COL21A1: variants seen among roughly 807,000 people sequenced by gnomAD.
COL21A1 encodes the protein collagen type XXI alpha 1 chain, also known as collagen alpha-1(XXI) chain.
In COL21A1, 149 loss-of-function variants were observed where a neutral mutation model predicts 137.9. The ratio of observed to expected loss-of-function variants is 1.08; its 90% CI spans 0.95 to 1.24. The LOEUF is 1.24. Ranked by LOEUF, COL21A1 falls within the 50% of genes most tolerant of loss-of-function variation. The pLI, the probability that COL21A1 is intolerant of heterozygous loss-of-function variation, is 0.00. For missense variants in COL21A1, 1,167 were observed against 1,158.4 expected (o/e 1.01, Z -0.11); for synonymous variants, 456 against 391.5 (o/e 1.16, Z -1.95).
intron 12 of COL21A1, among the ~76,000 whole-genome samples, chr6:56,134,482 T>C (rs1330618492): frequency 2.6e-5 from 4 of 152,232 alleles, no homozygotes; most frequent in Non-Finnish European, 4.4e-5. Context: ...CTTTGGACTA[T>C]GGACTTTCAA....
At chr6:56,237,623 T>A (rs1781991379) in intron 1 of COL21A1, among the ~76,000 whole-genome samples, 1 of 152,160 alleles carries the variant, frequency 6.6e-6, no homozygotes, top group Non-Finnish European at 1.5e-5. Flanking sequence ...TAATTTAAAA[T>A]GTACATTTAT....
intron 1 of COL21A1, among the ~76,000 whole-genome samples, chr6:56,301,953 C>T (rs1764305726): frequency 6.6e-6 from 1 of 151,972 alleles, no homozygotes; most frequent in Admixed American, 6.6e-5. Context: ...TGTTCAATTC[C>T]CACCTATGAG....
intron 19 of COL21A1, among the ~76,000 whole-genome samples, chr6:56,074,513 A>G (rs1767037496): frequency 6.6e-6 from 1 of 151,502 alleles, no homozygotes; most frequent in Non-Finnish European, 1.5e-5. Flanking sequence ...AGCGCTTATG[A>G]TTCTATTGCT....
intron 1 of COL21A1, among the ~76,000 whole-genome samples, chr6:56,309,568 T>C (rs1029155339): frequency 3.3e-5 from 5 of 152,190 alleles, no homozygotes; most frequent in Admixed American, 6.5e-5. Context: ...TTTCTGCCTC[T>C]ATTGTTGGAT....
intron 3 of COL21A1, among the ~76,000 whole-genome samples, chr6:56,175,921 A>T (rs554082536): frequency 6.6e-6 from 1 of 152,186 alleles, no homozygotes; most frequent in Non-Finnish European, 1.5e-5. Context: ...TGGTAAAGGC[A>T]TAAAAACAAA....
chr6:56,190,912 T>C (rs1778629364), intron 1 of COL21A1, among the ~76,000 whole-genome samples: 1 of 151,936 alleles, frequency 6.6e-6, no homozygotes, highest in Admixed American at 6.6e-5. Flanking sequence ...ATACCTAGCA[T>C]GATATTAGCA....
chr6:56,235,957 C>T (rs1447593320), intron 1 of COL21A1, among the ~76,000 whole-genome samples: 1 of 151,974 alleles, frequency 6.6e-6, no homozygotes, highest in African/African-American at 2.4e-5. Flanking sequence ...TTAACAGCAA[C>T]AGGTCTGAGT....
intron 1 of COL21A1, among the ~76,000 whole-genome samples, chr6:56,196,214 T>C (rs1779015009): frequency 6.6e-6 from 1 of 152,102 alleles, no homozygotes; most frequent in Admixed American, 6.6e-5. Context: ...ATGGAATGAA[T>C]GAACTTCAAG....
intron 3 of COL21A1, among the ~76,000 whole-genome samples, chr6:56,172,102 A>G (rs1192804616): frequency 6.6e-6 from 1 of 151,694 alleles, no homozygotes. Context: ...AAAAGGGGAC[A>G]AAAAGCTTAT....
intron 1 of COL21A1, among the ~76,000 whole-genome samples, chr6:56,253,293 G>C (rs78124965): frequency 6.6e-6 from 1 of 152,072 alleles, no homozygotes; most frequent in Non-Finnish European, 1.5e-5. Context: ...ATTTTGGTTC[G>C]TATGAAAACA....
chr6:56,160,087 A>C (rs1349286210), intron 9 of COL21A1, among the ~76,000 whole-genome samples: 1 of 152,172 alleles, frequency 6.6e-6, no homozygotes, highest in African/African-American at 2.4e-5. Context: ...GCTGTCACTA[A>C]GTTATTCGCA....
At chr6:56,152,475 T>C (rs1775398881) in intron 10 of COL21A1, among the ~76,000 whole-genome samples, 1 of 152,204 alleles carries the variant, frequency 6.6e-6, no homozygotes, top group African/African-American at 2.4e-5. Context: ...AGTTGTGTTT[T>C]TCTTTGAGAC....
chr6:56,238,841 C>T (rs1050324705), intron 1 of COL21A1, among the ~76,000 whole-genome samples: 1 of 152,228 alleles, frequency 6.6e-6, no homozygotes, highest in South Asian at 2.1e-4. Context: ...TGTGAAAAAG[C>T]TTAGGAGAAA....
At chr6:56,318,366 A>G (rs1225652824) in intron 1 of COL21A1, among the ~76,000 whole-genome samples, 2 of 152,080 alleles carry the variant, frequency 1.3e-5, no homozygotes, top group East Asian at 3.9e-4. Flanking sequence ...ACTAACCCTT[A>G]GTGCTACCTA....
intron 16 of COL21A1, among the ~76,000 whole-genome samples, chr6:56,121,514 A>G (rs1220480039): frequency 3.5e-5 from 5 of 142,136 alleles, no homozygotes; most frequent in Non-Finnish European, 6.1e-5. Flanking sequence ...TCATATGTGT[A>G]TATATATATA....
intron 1 of COL21A1, among the ~76,000 whole-genome samples, chr6:56,261,367 T>C (rs1771036604): frequency 6.6e-6 from 1 of 152,210 alleles, no homozygotes; most frequent in Non-Finnish European, 1.5e-5. Context: ...TTTGTATCCC[T>C]CCCAAATTCA....
chr6:56,060,188 C>A lies in COL21A1; in HGVS notation c.2438G>T (p.Arg813Ile), dbSNP rs749253480. 4.4e-6 allele frequency: 7 copies of A among 1,607,762 alleles called. No individual in the cohort carries two copies. The South Asian group carries it at 6.7e-5, about 15-fold the overall frequency. ...AQLPVLLQSG[R>I]IRNCDHCLSQ... ...CAGGCAATGATCACAATTTCTAATT[C>A]TTCCACTCTGAAGTAAGACTGGTAG... The change falls in exon 28 of 30, where the codon AGA becomes ATA. Residue 813 changes from arginine (R) to isoleucine (I), a missense_variant. By Grantham distance (97) the Arg-to-Ile change is moderately conservative. Coordinates refer to ENST00000244728, the MANE Select transcript of COL21A1 (RefSeq NM_030820.4).
intron 1 of COL21A1, among the ~76,000 whole-genome samples, chr6:56,307,247 A>T (rs1764484691): frequency 6.6e-6 from 1 of 152,198 alleles, no homozygotes; most frequent in Non-Finnish European, 1.5e-5. Flanking sequence ...CTCTCTTCAA[A>T]GCTGTAAGAC....
intron 1 of COL21A1, among the ~76,000 whole-genome samples, chr6:56,269,003 C>G (rs1763459832): frequency 6.6e-6 from 1 of 152,088 alleles, no homozygotes; most frequent in African/African-American, 2.4e-5. Flanking sequence ...GCAGAATAGA[C>G]CAAGCTGAGG....
Sources: gnomAD v4.1 joint callset for allele counts (sites outside exome capture counted in the v4.1 genomes callset) on GRCh38, gnomAD v4.1.1 for gene constraint, MANE v1.5 for transcripts, NCBI Gene and HGNC (gene_info 2026-07-23, HGNC 2026-07-21) for gene names.